KAZN: variants seen among roughly 807,000 people sequenced by gnomAD.
KAZN encodes kazrin.
Under a neutral mutation model 87.4 loss-of-function variants are expected in KAZN, and 40 were observed. The observed-to-expected ratio is 0.46, with a 90% CI of 0.36 to 0.60. The LOEUF (loss-of-function observed/expected upper bound fraction) is 0.60. Ranked by LOEUF, KAZN falls within the 20% of genes least tolerant of loss-of-function variation. The probability of loss-of-function intolerance (pLI) is 0.00; values close to 1 mark genes in which losing one functional copy is unlikely to be tolerated. For synonymous variants in KAZN, 466 were observed against 458.3 expected, an observed-to-expected ratio of 1.02 and a Z score of -0.22; for missense variants, 898 against 1,073.9, an observed-to-expected ratio of 0.84 and a Z score of 2.29.
intron 2 of KAZN, among the ~76,000 whole-genome samples, chr1:14,266,696 C>T (rs551186882): frequency 5.3e-5 from 8 of 152,252 alleles, no homozygotes; most frequent in South Asian, 2.1e-4. Context: ...ACGATTCCAT[C>T]GCAAGGGACA....
chr1:14,581,213 A>G (rs1675525735), intron 2 of KAZN, among the ~76,000 whole-genome samples: 1 of 152,150 alleles, frequency 6.6e-6, no homozygotes. Context: ...AAATCAGCAT[A>G]CACTCTATCC....
intron 2 of KAZN, among the ~76,000 whole-genome samples, chr1:14,306,230 C>T (rs1322576713): frequency 1.3e-5 from 2 of 152,152 alleles, no homozygotes; most frequent in African/African-American, 4.8e-5. Context: ...AAAATTAAAT[C>T]CCCATATTTC....
intron 1 of KAZN, among the ~76,000 whole-genome samples, chr1:13,923,793 GC>G (rs879357963): frequency 5.0e-4 from 75 of 151,490 alleles, no homozygotes; most frequent in Middle Eastern, 3.5e-3. Flanking sequence ...TGAAATATAT[GC>G]TATGTAAGTG....
chr1:14,225,808 G>A (rs1647254594), intron 2 of KAZN, among the ~76,000 whole-genome samples: 1 of 152,118 alleles, frequency 6.6e-6, no homozygotes, highest in African/African-American at 2.4e-5. Context: ...CCAGCCATAT[G>A]CAGAGAATAT....
chr1:14,391,170 G>A (rs1282290711), intron 2 of KAZN, among the ~76,000 whole-genome samples: 1 of 152,124 alleles, frequency 6.6e-6, no homozygotes, highest in Non-Finnish European at 1.5e-5. Context: ...TGGACTCCAG[G>A]GGAGCCTGAA....
chr1:14,948,068 A>G lies in KAZN; in HGVS notation c.227-12616A>G, dbSNP rs1662042431. On this transcript the variant is annotated intron_variant, in intron 1 of 14. Transcript: ENST00000376030. The stretch of plus-strand genomic sequence containing the variant: ...TAAGTTCCCTTGTCCATTTTTGCTC[A>G]TCCAGTTTTTGAAGAAAGAATAAGG... Among the ~76,000 whole-genome samples, 4 of 152,322 alleles carry G rather than the reference A, an allele frequency of 2.6e-5. No homozygotes were observed. The South Asian group carries it at 8.3e-4, about 32-fold the overall frequency.
At chr1:14,333,348 C>T (rs888711953) in intron 2 of KAZN, among the ~76,000 whole-genome samples, 8 of 152,166 alleles carry the variant, frequency 5.3e-5, no homozygotes, top group African/African-American at 1.9e-4. Context: ...AGTGAACATG[C>T]ATATACATGT....
chr1:14,619,626 A>C (rs1678536615), intron 1 of KAZN, among the ~76,000 whole-genome samples: 1 of 152,178 alleles, frequency 6.6e-6, no homozygotes, highest in African/African-American at 2.4e-5. Context: ...CCGTGCCACT[A>C]TCTAGTTCCA....
chr1:15,112,697 T>C, intron 14 of KAZN, 156 bp downstream of exon 14: 1 of 519,128 alleles, frequency 1.9e-6, no homozygotes, highest in Non-Finnish European at 3.6e-6. Context: ...TGGATGTACC[T>C]TCAAGGAACC....
At chr1:14,099,117 C>A (rs769494434) in intron 1 of KAZN, among the ~76,000 whole-genome samples, 2 of 152,076 alleles carry the variant, frequency 1.3e-5, no homozygotes, top group Non-Finnish European at 1.5e-5. Context: ...GGAAAGGTGG[C>A]ATGAAATATA....
intron 1 of KAZN, among the ~76,000 whole-genome samples, chr1:13,895,190 CCA>C (rs1638990498): frequency 1.3e-5 from 2 of 152,264 alleles, no homozygotes; most frequent in East Asian, 3.9e-4. Context: ...CCTTTGCCAC[CCA>C]CTGCACTCCT....
intron 2 of KAZN, among the ~76,000 whole-genome samples, chr1:14,342,815 T>G (rs1657832138): frequency 6.6e-6 from 1 of 152,180 alleles, no homozygotes; most frequent in Admixed American, 6.5e-5. Context: ...CCTTATCGGA[T>G]GAGGTTTTTT....
intron 2 of KAZN, among the ~76,000 whole-genome samples, chr1:14,577,666 A>T (rs1022070263): frequency 5.3e-5 from 8 of 152,162 alleles, no homozygotes; most frequent in Non-Finnish European, 1.5e-5. Flanking sequence ...TATAGTCTTA[A>T]ATGTGAGCCC....
At chr1:14,378,104 C>CTCT (rs1361832511) in intron 2 of KAZN, among the ~76,000 whole-genome samples, 1 of 152,096 alleles carries the variant, frequency 6.6e-6, no homozygotes, top group East Asian at 1.9e-4. Flanking sequence ...GTGCTAGGTG[C>CTCT]TCTTCTAACC....
At chr1:14,314,846 C>T (rs1314218338) in intron 2 of KAZN, among the ~76,000 whole-genome samples, 2 of 152,104 alleles carry the variant, frequency 1.3e-5, no homozygotes, top group Non-Finnish European at 2.9e-5. Flanking sequence ...CCCTTCTCCC[C>T]AGTCCCTGGA....
chr1:13,975,447 C>T (rs16853319), intron 1 of KAZN, among the ~76,000 whole-genome samples: 16,988 of 152,238 alleles, frequency 0.11, 1,176 homozygotes, highest in South Asian at 0.23. Context: ...TTCCTCTGCA[C>T]TTAGAACCAT....
intron 2 of KAZN, among the ~76,000 whole-genome samples, chr1:14,441,262 C>CATATATAT (rs34569698): frequency 1.3e-5 from 2 of 149,366 alleles, no homozygotes; most frequent in Non-Finnish European, 3.0e-5. Context: ...TGAGAATACT[C>CATATATAT]ATATATATAT....
At chr1:14,832,574 A>G (rs930880709) in intron 1 of KAZN, among the ~76,000 whole-genome samples, 2 of 152,204 alleles carry the variant, frequency 1.3e-5, no homozygotes, top group Admixed American at 6.5e-5. Flanking sequence ...TGGGCCACAC[A>G]TAAGATACAC....
intron 1 of KAZN, among the ~76,000 whole-genome samples, chr1:14,074,573 G>T (rs1237886390): frequency 6.6e-6 from 1 of 152,130 alleles, no homozygotes; most frequent in African/African-American, 2.4e-5. Context: ...ACAGCTGTGG[G>T]AGGGTGCAGG....
Sources: gnomAD v4.1 joint callset for allele counts (sites outside exome capture counted in the v4.1 genomes callset) on GRCh38, gnomAD v4.1.1 for gene constraint, MANE v1.5 for transcripts, NCBI Gene and HGNC (gene_info 2026-07-23, HGNC 2026-07-21) for gene names.